Variants in RAB28 observed in about 807,000 individuals in gnomAD.
The protein encoded by RAB28 is RAB28, member RAS oncogene family, also known as ras-related protein Rab-28.
RAB28 carries 24 observed loss-of-function variants against 31.7 expected under a neutral mutation model. The observed-to-expected ratio is 0.76, with a 90% CI of 0.55 to 1.06. RAB28 has a LOEUF of 1.06. Among genes scored for constraint, RAB28 ranks in the 50% least tolerant of loss-of-function variants. The pLI is 0.00. For missense variants in RAB28, 254 were observed against 258.5 expected (o/e 0.98, Z 0.12); for synonymous variants, 100 against 90.4 (o/e 1.11, Z -0.60).
intron 5 of RAB28, among the ~76,000 whole-genome samples, chr4:13,379,792 T>C (rs908123336): frequency 1.1e-4 from 16 of 152,166 alleles, no homozygotes; most frequent in East Asian, 9.7e-4. Flanking sequence ...AATTATGACA[T>C]AGGAATATCA....
chr4:13,453,286 G>A (rs1715075779), intron 4 of RAB28, among the ~76,000 whole-genome samples: 1 of 152,082 alleles, frequency 6.6e-6, no homozygotes, highest in South Asian at 2.1e-4. Flanking sequence ...TTATTGACAG[G>A]TGAAGACTTA....
intron 6 of RAB28, chr4:13,371,201 G>A (rs981407549): frequency 2.0e-6 from 2 of 985,248 alleles, no homozygotes; most frequent in African/African-American, 1.7e-5. Context: ...TTAGCAACAA[G>A]CAGCATTAAC....
intron 5 of RAB28, among the ~76,000 whole-genome samples, chr4:13,379,854 C>A (rs1454139703): frequency 1.3e-5 from 2 of 151,972 alleles, no homozygotes; most frequent in Non-Finnish European, 2.9e-5. Flanking sequence ...GAGAAAGTTA[C>A]CTGGAGCTAG....
chr4:13,386,281 C>T (rs995265812), intron 4 of RAB28, among the ~76,000 whole-genome samples: 3 of 152,022 alleles, frequency 2.0e-5, no homozygotes, highest in African/African-American at 7.2e-5. Context: ...AACTAAAGAA[C>T]TTCTCCACAG....
chr4:13,447,716 A>G (rs1418315142), intron 4 of RAB28, among the ~76,000 whole-genome samples: 1 of 152,154 alleles, frequency 6.6e-6, no homozygotes, highest in Non-Finnish European at 1.5e-5. Context: ...CAGATTTATT[A>G]TTATTAATAG....
chr4:13,459,840 T>C (rs1343371405), intron 4 of RAB28: 1 of 1,286,440 alleles, frequency 7.8e-7, no homozygotes, highest in Non-Finnish European at 1.0e-6. Context: ...GCTCAAAACC[T>C]CTGGGACAGA....
intron 4 of RAB28, among the ~76,000 whole-genome samples, chr4:13,456,099 G>C (rs1301154176): frequency 2.6e-5 from 4 of 152,136 alleles, no homozygotes; most frequent in African/African-American, 7.2e-5. Context: ...GACTCTCTTT[G>C]TCTCAACCTT....
intron 4 of RAB28, among the ~76,000 whole-genome samples, chr4:13,386,517 C>T (rs1729376166): frequency 6.6e-6 from 1 of 152,122 alleles, no homozygotes; most frequent in South Asian, 2.1e-4. Context: ...CTCAACATCA[C>T]TGATCATTAG....
chr4:13,470,131 A>G (rs1716051810), intron 3 of RAB28, among the ~76,000 whole-genome samples: 1 of 152,124 alleles, frequency 6.6e-6, no homozygotes, highest in African/African-American at 2.4e-5. Flanking sequence ...AAAAAATGAA[A>G]GGTTCTCCCA....
At chr4:13,445,679 G>C (rs904367448) in intron 4 of RAB28, among the ~76,000 whole-genome samples, 5 of 151,616 alleles carry the variant, frequency 3.3e-5, no homozygotes, top group African/African-American at 1.2e-4. Flanking sequence ...GGTATCACCA[G>C]TGGAGGCTGA....
chr4:13,435,159 A>C (rs2108935183), intron 4 of RAB28, among the ~76,000 whole-genome samples: 1 of 152,062 alleles, frequency 6.6e-6, no homozygotes, highest in African/African-American at 2.4e-5. Flanking sequence ...GGCAAAAAAA[A>C]AATCCAAAAA....
intron 4 of RAB28, among the ~76,000 whole-genome samples, chr4:13,402,993 T>C (rs1711860786): frequency 6.6e-6 from 1 of 152,112 alleles, no homozygotes; most frequent in Non-Finnish European, 1.5e-5. Context: ...AGGGGTTTTG[T>C]CATGTGGCCT....
chr4:13,368,427 T>C lies in RAB28; in HGVS notation c.*131A>G, dbSNP rs1728592026. ...TGCCACTGTGAGGCAATAGCAATGA[T>C]GAAGCAAGTTGGGAGTAAAGTGTTA... On this transcript the variant is annotated 3_prime_UTR_variant, in exon 7 of 7. Coordinates refer to ENST00000330852, the MANE Select transcript of RAB28 (RefSeq NM_001017979.3). The C allele has an allele frequency of 3.1e-6, 4 of 1,292,072 alleles. No individual in the cohort carries two copies. Among genetic ancestry groups the C allele is most frequent in the African/African-American group, 1.5e-5 (1 of 64,916 alleles). 80.0% of individuals were successfully genotyped at this position (1,292,072 alleles called of 1,614,324 possible). A position where few individuals can be genotyped will look rare whatever the true frequency, so the allele number is the denominator to read the frequency against.
At chr4:13,404,856 C>A (rs1711981214) in intron 4 of RAB28, among the ~76,000 whole-genome samples, 1 of 151,418 alleles carries the variant, frequency 6.6e-6, no homozygotes, top group East Asian at 1.9e-4. Flanking sequence ...ACAATACTAA[C>A]CAGTTTTTTT....
chr4:13,479,647 A>T, intron 1 of RAB28, 121 bp from the exon 2 acceptor site: 1 of 683,696 alleles, frequency 1.5e-6, no homozygotes, highest in African/African-American at 1.8e-5. Context: ...AGCAAATTTA[A>T]GCAGTTCTAA....
intron 3 of RAB28, among the ~76,000 whole-genome samples, chr4:13,461,046 T>A (rs1715566069): frequency 6.6e-6 from 1 of 152,242 alleles, no homozygotes; most frequent in Non-Finnish European, 1.5e-5. Flanking sequence ...CAATGCAAGC[T>A]AAAACATAAT....
At chr4:13,391,327 G>A (rs1433186196) in intron 4 of RAB28, among the ~76,000 whole-genome samples, 1 of 152,188 alleles carries the variant, frequency 6.6e-6, no homozygotes, top group Non-Finnish European at 1.5e-5. Context: ...CTGGTCATCA[G>A]AGAAACGCAA....
chr4:13,464,018 A>G (rs566705567), intron 3 of RAB28, among the ~76,000 whole-genome samples: 46 of 152,216 alleles, frequency 3.0e-4, no homozygotes, highest in Middle Eastern at 3.4e-3. Flanking sequence ...TCACCCTGAA[A>G]TCTGGAGAGA....
intron 2 of RAB28, among the ~76,000 whole-genome samples, chr4:13,477,331 A>G (rs1716404031): frequency 6.6e-6 from 1 of 151,508 alleles, no homozygotes; most frequent in Non-Finnish European, 1.5e-5. Flanking sequence ...GGAGGTTTAC[A>G]CCCCTAACAA....
Sources: gnomAD v4.1 joint callset for allele counts (sites outside exome capture counted in the v4.1 genomes callset) on GRCh38, gnomAD v4.1.1 for gene constraint, MANE v1.5 for transcripts, NCBI Gene and HGNC (gene_info 2026-07-23, HGNC 2026-07-21) for gene names.